The following LRRTM4 variants were observed in gnomAD, a reference collection of about 807,000 sequenced individuals.
LRRTM4 encodes leucine rich repeat transmembrane neuronal 4.
A neutral mutation model predicts 47.6 loss-of-function variants in LRRTM4; 25 were observed. That is an observed-to-expected ratio of 0.53 (90% CI 0.38 to 0.73). The LOEUF is 0.73. Ranked by LOEUF, LRRTM4 falls within the 30% of genes least tolerant of loss-of-function variation. The pLI is 0.00. For synonymous variants in LRRTM4, 311 were observed against 269.5 expected, an observed-to-expected ratio of 1.15 and a Z score of -1.51; for missense variants, 638 against 713.4, an observed-to-expected ratio of 0.89 and a Z score of 1.20.
intron 3 of LRRTM4, among the ~76,000 whole-genome samples, chr2:76,779,135 A>G (rs1286654981): frequency 6.6e-6 from 1 of 151,692 alleles, no homozygotes; most frequent in Non-Finnish European, 1.5e-5. Context: ...ATAGTTTGTT[A>G]TAATTTCTGT....
intron 3 of LRRTM4, among the ~76,000 whole-genome samples, chr2:77,322,977 T>C (rs1670592846): frequency 6.6e-6 from 1 of 151,968 alleles, no homozygotes; most frequent in African/African-American, 2.4e-5. Flanking sequence ...TTTGGTCAAA[T>C]TGATCTGTTA....
chr2:77,032,742 G>A (rs73940238), intron 3 of LRRTM4, among the ~76,000 whole-genome samples: 10,436 of 151,976 alleles, frequency 0.069, 815 homozygotes, highest in African/African-American at 0.18. Context: ...AAGACTTACC[G>A]ATTTAATTCT....
At chr2:77,420,290 A>G (rs778115667) in intron 3 of LRRTM4, among the ~76,000 whole-genome samples, 19 of 152,228 alleles carry the variant, frequency 1.2e-4, no homozygotes, top group Non-Finnish European at 2.1e-4. Flanking sequence ...AAAGCCAGCA[A>G]GACAGAAGTC....
At chr2:77,201,678 G>A (rs1048638950) in intron 3 of LRRTM4, among the ~76,000 whole-genome samples, 4 of 151,874 alleles carry the variant, frequency 2.6e-5, no homozygotes, top group African/African-American at 9.7e-5. Context: ...AGTCATAAGA[G>A]CAAAAAATCA....
chr2:77,093,542 G>T (rs924442167), intron 3 of LRRTM4, among the ~76,000 whole-genome samples: 29 of 151,294 alleles, frequency 1.9e-4, no homozygotes, highest in Non-Finnish European at 3.8e-4. Context: ...CCCTAATCCC[G>T]CTTGAAGCAG....
At chr2:77,201,676 G>C (rs1294090178) in intron 3 of LRRTM4, among the ~76,000 whole-genome samples, 1 of 151,910 alleles carries the variant, frequency 6.6e-6, no homozygotes, top group Non-Finnish European at 1.5e-5. Context: ...AAAGTCATAA[G>C]AGCAAAAAAT....
intron 3 of LRRTM4, 41 bp from the exon 4 acceptor site, chr2:76,748,957 G>C (rs62170443): frequency 6.4e-7 from 1 of 1,553,588 alleles, no homozygotes; most frequent in Admixed American, 1.8e-5. Context: ...TTATAAAATT[G>C]CTTTGGAAAG....
intron 3 of LRRTM4, among the ~76,000 whole-genome samples, chr2:77,155,628 G>C (rs939997397): frequency 1.3e-5 from 2 of 151,964 alleles, no homozygotes; most frequent in African/African-American, 4.8e-5. Flanking sequence ...GTGTGGGGGA[G>C]AAAGACCTTC....
At chr2:77,232,103 A>C (rs2103972017) in intron 3 of LRRTM4, among the ~76,000 whole-genome samples, 1 of 152,258 alleles carries the variant, frequency 6.6e-6, no homozygotes, top group Middle Eastern at 3.4e-3. Flanking sequence ...TCAAAAAAGT[A>C]GGTTCCAGGA....
chr2:77,122,808 A>G (rs888959145), intron 3 of LRRTM4, among the ~76,000 whole-genome samples: 4 of 151,912 alleles, frequency 2.6e-5, no homozygotes, highest in Non-Finnish European at 5.9e-5. Flanking sequence ...AGGCAAAACT[A>G]AGAAATTCCA....
At chr2:77,466,325 T>C (rs1676981177) in intron 3 of LRRTM4, among the ~76,000 whole-genome samples, 1 of 152,172 alleles carries the variant, frequency 6.6e-6, no homozygotes, top group Admixed American at 6.5e-5. Context: ...TCGATCTTGG[T>C]TACCACTAAG....
intron 3 of LRRTM4, among the ~76,000 whole-genome samples, chr2:77,014,881 CTT>C (rs1678003993): frequency 6.6e-6 from 1 of 152,008 alleles, no homozygotes; most frequent in South Asian, 2.1e-4. Flanking sequence ...TCATAATTGA[CTT>C]TTCATTTTTT....
intron 3 of LRRTM4, among the ~76,000 whole-genome samples, chr2:76,903,346 C>A (rs1415895164): frequency 1.3e-5 from 2 of 152,038 alleles, no homozygotes; most frequent in South Asian, 2.1e-4. Flanking sequence ...ACCAGCCTGG[C>A]CAATATGGTG....
At chr2:77,250,511 G>C (rs1008506777) in intron 3 of LRRTM4, among the ~76,000 whole-genome samples, 2 of 152,030 alleles carry the variant, frequency 1.3e-5, no homozygotes, top group Non-Finnish European at 1.5e-5. Context: ...CTACTGAAAC[G>C]TTACATATAC....
intron 3 of LRRTM4, among the ~76,000 whole-genome samples, chr2:77,212,507 T>C (rs1230422803): frequency 6.7e-6 from 1 of 149,420 alleles, no homozygotes; most frequent in African/African-American, 2.5e-5. Flanking sequence ...AGAGAGTTAA[T>C]CTCGTGTATA....
chr2:77,081,131 T>A (rs1412736341), intron 3 of LRRTM4, among the ~76,000 whole-genome samples: 3 of 152,106 alleles, frequency 2.0e-5, no homozygotes, highest in Non-Finnish European at 4.4e-5. Flanking sequence ...GCCTATAATT[T>A]GCTTTTTGAT....
intron 3 of LRRTM4, among the ~76,000 whole-genome samples, chr2:77,098,176 A>C (rs529640071): frequency 6.6e-6 from 1 of 151,984 alleles, no homozygotes; most frequent in East Asian, 1.9e-4. Context: ...ATGCCATTTA[A>C]AAAAAAATTT....
chr2:76,979,378 G>GA (rs1676519635), intron 3 of LRRTM4, among the ~76,000 whole-genome samples: 1 of 151,718 alleles, frequency 6.6e-6, no homozygotes, highest in African/African-American at 2.4e-5. Context: ...ACTAAACAGA[G>GA]AAAAAAGGGA....
chr2:77,352,117 G>C (rs1033161598), intron 3 of LRRTM4, among the ~76,000 whole-genome samples: 4 of 152,124 alleles, frequency 2.6e-5, no homozygotes, highest in Non-Finnish European at 5.9e-5. Context: ...TATTATTATA[G>C]GACAACTTTT....
Sources: gnomAD v4.1 joint callset for allele counts (sites outside exome capture counted in the v4.1 genomes callset) on GRCh38, gnomAD v4.1.1 for gene constraint, MANE v1.5 for transcripts, NCBI Gene and HGNC (gene_info 2026-07-23, HGNC 2026-07-21) for gene names.